The following ADCY9 variants were observed in gnomAD, a reference collection of about 807,000 sequenced individuals.
The protein encoded by ADCY9 is adenylate cyclase type 9.
In ADCY9, 50 loss-of-function variants were observed where a neutral mutation model predicts 101.5. The ratio of observed to expected loss-of-function variants is 0.49; its 90% CI spans 0.39 to 0.62. The LOEUF is 0.62. ADCY9 is among the 20% of genes least tolerant of loss of function. The probability of loss-of-function intolerance (pLI) is 0.00; values close to 1 mark genes in which losing one functional copy is unlikely to be tolerated. For synonymous variants in ADCY9, 905 were observed against 769.3 expected (o/e 1.18, Z -2.92); for missense variants, 1,662 against 1,800.4 (o/e 0.92, Z 1.39).
At chr16:4,011,216 C>T (rs1035737992) in intron 2 of ADCY9, among the ~76,000 whole-genome samples, 2 of 152,156 alleles carry the variant, frequency 1.3e-5, no homozygotes, top group African/African-American at 4.8e-5. Context: ...AGGCCCTCTA[C>T]AGAGGTGGCC....
intron 5 of ADCY9, among the ~76,000 whole-genome samples, chr16:3,956,594 G>A (rs1406398429): frequency 4.8e-5 from 7 of 144,654 alleles, no homozygotes; most frequent in African/African-American, 1.8e-4. Flanking sequence ...AGGTTCAAGC[G>A]ATTCTCCTGC....
At position 4,115,351 on chromosome 16, in the gene ADCY9, T is replaced by C. The variant is rs2057143568; in HGVS notation, c.92A>G (p.Lys31Arg). ...GGAGGACAGCTGCTTGGGGTTGATC[T>C]TGACGCGCACGCTGTTGCTGTCCCC... is the stretch of plus-strand genomic sequence containing the variant. The part of the protein sequence containing the change: ...SSGDSNSVRV[K>R]INPKQLSSNS... The change falls in exon 2 of 11, where the codon AAG becomes AGG. Residue 31 changes from lysine (K) to arginine (R), a missense_variant. Physicochemically the swap from Lys to Arg is conservative, Grantham distance 26. Coordinates refer to ENST00000294016, the MANE Select transcript of ADCY9 (RefSeq NM_001116.4). This position sits in a 1 kb window ranked among gnomAD's most constrained non-coding sequence, Gnocchi z 6.2. 3 of 1,612,528 alleles carry C rather than the reference T, an allele frequency of 1.9e-6. No individual in the cohort carries two copies. The highest frequency in any genetic ancestry group is 1.7e-5 in the Admixed American group (1 of 59,804).
rs79216369 is a variant in ADCY9, at chr16:3,986,055, C to G, written c.2311-2615G>C. On this transcript the variant is annotated intron_variant, in intron 6 of 10. Coordinates refer to ENST00000294016, the MANE Select transcript of ADCY9 (RefSeq NM_001116.4). ...GCTCCGCCCTGCTCACTACCCACAT[C>G]CCAGGGCCTCCGGGTGCGGCCGTCC... Among the ~76,000 whole-genome samples the G allele has an allele frequency of 2.2e-3, 337 of 152,378 alleles. 1 individual carries two copies. The highest frequency in any genetic ancestry group is 7.6e-3 in the African/African-American group (318 of 41,592).
intron 2 of ADCY9, among the ~76,000 whole-genome samples, chr16:4,050,575 G>A (rs544078311): frequency 6.6e-6 from 1 of 151,852 alleles, no homozygotes; most frequent in Non-Finnish European, 1.5e-5. Flanking sequence ...TTAGCCGGAC[G>A]TGGTGGCGCA....
chr16:4,115,794 C>A lies in ADCY9; in HGVS notation c.-148G>T, dbSNP rs904289432. The A allele has an allele frequency of 3.0e-5, 12 of 400,180 alleles. No individual in the cohort carries two copies. The highest frequency in any genetic ancestry group is 2.3e-4 in the African/African-American group (11 of 48,392). 24.8% of individuals were successfully genotyped at this position (400,180 alleles called of 1,614,324 possible). A position where few individuals can be genotyped will look rare whatever the true frequency, so the allele number is the denominator to read the frequency against. The stretch of plus-strand genomic sequence containing the variant: ...CCCCGAGGGTGGCCTCCGCGCCGCG[C>A]GGCTTCTCCTCCTCGCGCGCTCGCC... On this transcript the variant is annotated 5_prime_UTR_variant, in exon 1 of 11. Transcript: ENST00000294016. This position sits in a 1 kb window ranked among gnomAD's most constrained non-coding sequence, Gnocchi z 6.2.
chr16:4,025,966 C>G (rs2056512089), intron 2 of ADCY9, among the ~76,000 whole-genome samples: 1 of 152,164 alleles, frequency 6.6e-6, no homozygotes, highest in Non-Finnish European at 1.5e-5. Context: ...GGACAGCTGA[C>G]AGTGGGCGCT....
At chr16:3,996,610 C>G (rs555260266) in intron 3 of ADCY9, among the ~76,000 whole-genome samples, 1 of 152,322 alleles carries the variant, frequency 6.6e-6, no homozygotes, top group South Asian at 2.1e-4. Context: ...GAAGCGTCTG[C>G]TGCACTTGGC....
intron 3 of ADCY9, among the ~76,000 whole-genome samples, chr16:4,001,333 T>C (rs913632810): frequency 6.6e-6 from 1 of 152,172 alleles, no homozygotes; most frequent in African/African-American, 2.4e-5. Flanking sequence ...CGGCCAGGCA[T>C]TTTGTCAAAT....
chr16:4,016,684 T>C (rs1356973322), intron 2 of ADCY9, among the ~76,000 whole-genome samples: 1 of 151,840 alleles, frequency 6.6e-6, no homozygotes, highest in Non-Finnish European at 1.5e-5. Flanking sequence ...ACACTGAAAA[T>C]GGAAATAAAG....
chr16:3,955,684 G>T (rs1374782334), intron 5 of ADCY9, among the ~76,000 whole-genome samples: 1 of 151,916 alleles, frequency 6.6e-6, no homozygotes, highest in Non-Finnish European at 1.5e-5. Context: ...GAGTAACTGG[G>T]ATTATAGGCG....
chr16:4,051,891 G>A (rs2056704131), intron 2 of ADCY9, among the ~76,000 whole-genome samples: 1 of 152,108 alleles, frequency 6.6e-6, no homozygotes, highest in Admixed American at 6.6e-5. Context: ...ATGAGAAACA[G>A]GATATTTTCC....
chr16:4,097,450 TTACATATATATATATATATA>T (rs1482387143), intron 2 of ADCY9, among the ~76,000 whole-genome samples: 1 of 26,890 alleles, frequency 3.7e-5, no homozygotes, highest in African/African-American at 1.1e-4. Context: ...ACATGTGGAG[TTACATATATATATATATATA>T]TATATATATA....
intron 2 of ADCY9, among the ~76,000 whole-genome samples, chr16:4,084,745 C>T (rs1024818185): frequency 1.3e-5 from 2 of 151,824 alleles, no homozygotes; most frequent in African/African-American, 4.8e-5. Flanking sequence ...CAAAAACAAA[C>T]AAACAGGAAA....
At chr16:4,065,048 C>A (rs1381223688) in intron 2 of ADCY9, among the ~76,000 whole-genome samples, 1 of 152,150 alleles carries the variant, frequency 6.6e-6, no homozygotes, top group Non-Finnish European at 1.5e-5. Flanking sequence ...GCCTGTAGTA[C>A]GTCCATCACC....
At chr16:3,974,568 C>T in intron 10 of ADCY9, 101 bp downstream of exon 10, 2 of 955,256 alleles carry the variant, frequency 2.1e-6, no homozygotes. Context: ...CGTATTGTTC[C>T]TTTTATTCAA....
intron 7 of ADCY9, among the ~76,000 whole-genome samples, chr16:3,980,053 G>C (rs986303789): frequency 2.6e-5 from 4 of 152,224 alleles, no homozygotes; most frequent in Admixed American, 6.5e-5. Flanking sequence ...CACCAAACCC[G>C]CACACGCGTG....
intron 2 of ADCY9, among the ~76,000 whole-genome samples, chr16:4,097,475 T>C (rs1299787073): frequency 4.2e-4 from 19 of 45,090 alleles, no homozygotes; most frequent in Admixed American, 1.2e-3. Context: ...TATATATATA[T>C]ATATATATAT....
Position 4,023,858 on chromosome 16 carries a change from C to T in ADCY9, c.1694-16300G>A, listed in dbSNP as rs185755126. Among the ~76,000 whole-genome samples, 9 of 151,788 alleles carry T rather than the reference C, an allele frequency of 5.9e-5. No individual in the cohort carries two copies. In the East Asian group the frequency reaches 1.4e-3, roughly 23 times the overall value. The stretch of plus-strand genomic sequence containing the variant: ...CCAGGAGGTGGAGGCTGCAGTGGGC[C>T]GAGATTACGCCACTGCACTCCAGCC... On this transcript the variant is annotated intron_variant, in intron 2 of 10. Coordinates refer to ENST00000294016, the MANE Select transcript of ADCY9 (RefSeq NM_001116.4).
Position 4,075,351 on chromosome 16 carries a change from C to T in ADCY9, c.1693+38399G>A, listed in dbSNP as rs539098173. On this transcript the variant is annotated intron_variant, in intron 2 of 10. Transcript: ENST00000294016. ...ATGGGGTTTTGCCATGTTGGCCAGG[C>T]TAGTCTCGAACTCCTGACCTCTGGT... Among the ~76,000 whole-genome samples, 49 of 152,246 alleles carry T rather than the reference C, an allele frequency of 3.2e-4. No individual in the cohort carries two copies. The South Asian group carries it at 0.01, about 32-fold the overall frequency.
Sources: allele counts gnomAD v4.1 joint callset (sites outside exome capture counted in the v4.1 genomes callset), GRCh38; gene constraint gnomAD v4.1.1; non-coding constraint Gnocchi (gnomAD v3.1); transcripts MANE v1.5; gene names NCBI Gene and HGNC (gene_info 2026-07-23, HGNC 2026-07-21).